Variants in CCSER1 observed in about 807,000 individuals in gnomAD.
CCSER1 encodes the protein serine-rich coiled-coil domain-containing protein 1.
A neutral mutation model predicts 82.0 loss-of-function variants in CCSER1; 41 were observed. That is an observed-to-expected ratio of 0.50 (90% CI 0.39 to 0.65). CCSER1 has a LOEUF of 0.65. Among genes scored for constraint, CCSER1 ranks in the 30% least tolerant of loss-of-function variants. CCSER1 has a pLI of 0.00. For synonymous variants in CCSER1, 414 were observed against 383.9 expected, an observed-to-expected ratio of 1.08 and a Z score of -0.92; for missense variants, 1,119 against 1,064.2, an observed-to-expected ratio of 1.05 and a Z score of -0.72.
At chr4:91,500,261 C>G (rs1198342934) in intron 10 of CCSER1, among the ~76,000 whole-genome samples, 1 of 152,060 alleles carries the variant, frequency 6.6e-6, no homozygotes, top group Admixed American at 6.6e-5. Context: ...CTTGCCATCT[C>G]TAGATCCTCT....
intron 1 of CCSER1, among the ~76,000 whole-genome samples, chr4:90,186,569 A>G (rs1036209504): frequency 6.6e-6 from 1 of 152,002 alleles, no homozygotes; most frequent in Non-Finnish European, 1.5e-5. Flanking sequence ...TCATTTACCA[A>G]TATGATGATA....
At chr4:90,703,491 G>T (rs1028419520) in intron 6 of CCSER1, among the ~76,000 whole-genome samples, 9 of 152,082 alleles carry the variant, frequency 5.9e-5, no homozygotes, top group African/African-American at 2.2e-4. Context: ...TATTAGGTCC[G>T]CTTGATGTAG....
intron 5 of CCSER1, among the ~76,000 whole-genome samples, chr4:90,556,780 G>A (rs911586202): frequency 2.6e-5 from 4 of 151,608 alleles, no homozygotes; most frequent in African/African-American, 9.7e-5. Flanking sequence ...TGTCTCAGGG[G>A]TGGCAGAGAC....
intron 10 of CCSER1, among the ~76,000 whole-genome samples, chr4:91,238,849 A>T (rs1221028240): frequency 3.3e-5 from 5 of 149,630 alleles, no homozygotes; most frequent in Non-Finnish European, 3.0e-5. Context: ...TTTGAGACGG[A>T]GTCTCGCATG....
intron 6 of CCSER1, among the ~76,000 whole-genome samples, chr4:90,670,640 A>G (rs1315743912): frequency 6.6e-6 from 1 of 152,062 alleles, no homozygotes; most frequent in African/African-American, 2.4e-5. Context: ...TGGATCAAAT[A>G]AAGAGAGTGT....
At chr4:91,470,403 T>C (rs1255050808) in intron 10 of CCSER1, among the ~76,000 whole-genome samples, 1 of 151,658 alleles carries the variant, frequency 6.6e-6, no homozygotes, top group Non-Finnish European at 1.5e-5. Context: ...ACTAATCTTT[T>C]CATTTTATTA....
chr4:91,173,877 A>G (rs1362288784), intron 10 of CCSER1, among the ~76,000 whole-genome samples: 1 of 152,222 alleles, frequency 6.6e-6, no homozygotes, highest in Admixed American at 6.5e-5. Flanking sequence ...CAGACCTTTA[A>G]TGAATTAGAG....
At chr4:91,159,444 T>G (rs946421141) in intron 10 of CCSER1, among the ~76,000 whole-genome samples, 2 of 151,934 alleles carry the variant, frequency 1.3e-5, no homozygotes, top group Non-Finnish European at 2.9e-5. Flanking sequence ...AATGCCAGTA[T>G]TAAAAACAAG....
At chr4:90,490,582 A>C (rs1767846168) in intron 5 of CCSER1, among the ~76,000 whole-genome samples, 1 of 152,134 alleles carries the variant, frequency 6.6e-6, no homozygotes, top group Admixed American at 6.6e-5. Context: ...GTGTTTATAC[A>C]TGAAGTCCTT....
At chr4:90,315,906 A>G (rs1030484061) in intron 3 of CCSER1, among the ~76,000 whole-genome samples, 1 of 152,232 alleles carries the variant, frequency 6.6e-6, no homozygotes, top group Non-Finnish European at 1.5e-5. Flanking sequence ...TTCTAGATAC[A>G]TGTGAAACAA....
At chr4:90,711,086 G>T (rs1303922555) in intron 6 of CCSER1, among the ~76,000 whole-genome samples, 1 of 151,918 alleles carries the variant, frequency 6.6e-6, no homozygotes, top group African/African-American at 2.4e-5. Context: ...TATTCTTTTT[G>T]TAGCAATTGT....
At chr4:90,271,862 A>ATATATATATATATATTTT (rs1553982816) in intron 1 of CCSER1, among the ~76,000 whole-genome samples, 1 of 21,752 alleles carries the variant, frequency 4.6e-5, no homozygotes, top group African/African-American at 2.6e-4. Flanking sequence ...ATATATATAT[A>ATATATATATATATATTTT]TTTTTTTTTT....
intron 1 of CCSER1, among the ~76,000 whole-genome samples, chr4:90,267,269 G>A (rs1160673471): frequency 6.6e-6 from 1 of 151,994 alleles, no homozygotes; most frequent in African/African-American, 2.4e-5. Context: ...TGGGGAAAGA[G>A]GAATGAAGAG....
At chr4:90,481,182 G>A (rs981028419) in intron 5 of CCSER1, among the ~76,000 whole-genome samples, 1 of 151,090 alleles carries the variant, frequency 6.6e-6, no homozygotes, top group African/African-American at 2.4e-5. Context: ...CTCTGTTATT[G>A]GTGCATAAGA....
intron 4 of CCSER1, among the ~76,000 whole-genome samples, chr4:90,403,230 T>G (rs1753157849): frequency 6.6e-6 from 1 of 152,164 alleles, no homozygotes; most frequent in Non-Finnish European, 1.5e-5. Flanking sequence ...CCGGGCGCGG[T>G]GGCTCACGCC....
At chr4:91,503,609 T>C (rs1270046000) in intron 10 of CCSER1, among the ~76,000 whole-genome samples, 1 of 152,078 alleles carries the variant, frequency 6.6e-6, no homozygotes, top group Non-Finnish European at 1.5e-5. Flanking sequence ...TAAAAAATGT[T>C]AAAAGGAGCA....
At chr4:91,059,933 C>T (rs1026030383) in intron 9 of CCSER1, among the ~76,000 whole-genome samples, 4 of 152,068 alleles carry the variant, frequency 2.6e-5, no homozygotes, top group Non-Finnish European at 4.4e-5. Context: ...CTCTCTATCA[C>T]TGCTGAAATG....
intron 10 of CCSER1, among the ~76,000 whole-genome samples, chr4:91,230,614 G>A (rs1392080906): frequency 1.3e-5 from 2 of 151,920 alleles, no homozygotes; most frequent in Admixed American, 6.6e-5. Flanking sequence ...CTATTTCTGT[G>A]TCATGGGTGT....
intron 3 of CCSER1, among the ~76,000 whole-genome samples, chr4:90,362,810 A>G (rs1745595851): frequency 6.6e-6 from 1 of 152,208 alleles, no homozygotes; most frequent in African/African-American, 2.4e-5. Flanking sequence ...CATTCTGATT[A>G]CAATGAACCA....
Sources: allele counts gnomAD v4.1 joint callset (sites outside exome capture counted in the v4.1 genomes callset), GRCh38; gene constraint gnomAD v4.1.1; transcripts MANE v1.5; gene names NCBI Gene and HGNC (gene_info 2026-07-23, HGNC 2026-07-21).